Variants in NACC2 observed in about 807,000 individuals in gnomAD.
The protein encoded by NACC2 is NACC family member 2, also known as nucleus accumbens-associated protein 2.
Under a neutral mutation model 25.1 loss-of-function variants are expected in NACC2, and 8 were observed. That is an observed-to-expected ratio of 0.32 (90% CI 0.19 to 0.57). The LOEUF is 0.57. NACC2 is among the 20% of genes least tolerant of loss of function. NACC2 has a pLI of 0.89. For missense variants in NACC2, 644 were observed against 650.2 expected, an observed-to-expected ratio of 0.99 and a Z score of 0.10; for synonymous variants, 435 against 294.7, an observed-to-expected ratio of 1.48 and a Z score of -4.88.
intron 1 of NACC2, among the ~76,000 whole-genome samples, chr9:136,052,157 G>A (rs925155328): frequency 1.3e-5 from 2 of 152,224 alleles, no homozygotes; most frequent in African/African-American, 4.8e-5. Context: ...AGGAATGCGC[G>A]GCCCCGGGTG....
In NACC2 at chr9:136,049,817, G is replaced by A. The variant is rs1476363205; in HGVS notation, c.705C>T (p.Gly235=). The A allele has an allele frequency of 6.7e-6, 5 of 740,816 alleles. No homozygotes were observed. The highest frequency in any genetic ancestry group is 5.6e-5 in the South Asian group (4 of 71,124). 45.9% of individuals were successfully genotyped at this position (740,816 alleles called of 1,614,324 possible). Residue 235 remains glycine (G), a synonymous_variant, in exon 2 of 6, where the codon GGC becomes GGT. Coordinates refer to ENST00000277554, the MANE Select transcript of NACC2 (RefSeq NM_144653.5). The part of the protein sequence containing the change: ...GVPSLATLIP[G]IQQMPYPQGE... Reference sequence around the variant, plus strand: ...CCTGGGGGTAGGGCATCTGCTGGATGCCGGGGATGAGGGTGGCCAGGCTGG... The same window carrying A: ...CCTGGGGGTAGGGCATCTGCTGGATACCGGGGATGAGGGTGGCCAGGCTGG...
chr9:136,027,679 A>T (rs371993268), intron 2 of NACC2, among the ~76,000 whole-genome samples: 1 of 152,246 alleles, frequency 6.6e-6, no homozygotes, highest in African/African-American at 2.4e-5. Flanking sequence ...CTGAATGATA[A>T]TGAAAATCTG....
chr9:136,084,015 C>A lies in NACC2; in HGVS notation c.-60+11174G>T, dbSNP rs534292469. 4.6e-5 allele frequency among the ~76,000 whole-genome samples: 7 copies of A among 152,264 alleles called. 1 individual carries two copies. The highest frequency in any genetic ancestry group is 1.3e-4 in the Admixed American group (2 of 15,298). ...GGGGAGACCCAAGACCTGGCCACAA[C>A]CCCATCTCCTAGTTCCTCTACAGCC... is the stretch of plus-strand genomic sequence containing the variant. On this transcript the variant is annotated intron_variant, in intron 1 of 5. Coordinates refer to ENST00000277554, the MANE Select transcript of NACC2 (RefSeq NM_144653.5). The surrounding 1 kb of genome is among the most constrained non-coding windows in gnomAD (Gnocchi z 5.1).
intron 1 of NACC2, among the ~76,000 whole-genome samples, chr9:136,061,786 AGGCCCAGGTACAAT>A (rs1229974839): frequency 1.3e-5 from 2 of 152,072 alleles, no homozygotes; most frequent in South Asian, 2.1e-4. Flanking sequence ...CAGAGTACAG[AGGCCCAGGTACAAT>A]GGCCCAGGTA....
chr9:136,012,341 C>G (rs534696613), intron 5 of NACC2, among the ~76,000 whole-genome samples: 1 of 152,250 alleles, frequency 6.6e-6, no homozygotes, highest in African/African-American at 2.4e-5. Flanking sequence ...CAACGGCTAA[C>G]GGGAACTGGT....
chr9:136,088,628 C>T (rs1038764017), intron 1 of NACC2, among the ~76,000 whole-genome samples: 1 of 152,238 alleles, frequency 6.6e-6, no homozygotes, highest in Non-Finnish European at 1.5e-5. Flanking sequence ...CCATCCCAAC[C>T]ACGATGGCCT....
intron 1 of NACC2, among the ~76,000 whole-genome samples, chr9:136,064,539 G>GA (rs1248909694): frequency 6.6e-6 from 1 of 152,138 alleles, no homozygotes; most frequent in Non-Finnish European, 1.5e-5. Context: ...AAATTTTGTT[G>GA]AAAGAAATGA....
intron 1 of NACC2, among the ~76,000 whole-genome samples, chr9:136,080,227 A>G (rs1210382113): frequency 6.6e-6 from 1 of 152,146 alleles, no homozygotes; most frequent in Non-Finnish European, 1.5e-5. Flanking sequence ...CTGCACCCCC[A>G]GCCTGTACAG....
intron 1 of NACC2, among the ~76,000 whole-genome samples, chr9:136,070,548 C>T (rs1045638087): frequency 6.6e-6 from 1 of 151,312 alleles, no homozygotes; most frequent in African/African-American, 2.4e-5. Flanking sequence ...ATACAACATA[C>T]CAAAGTTTGT....
chr9:136,048,032 T>C (rs1840755477), intron 2 of NACC2, among the ~76,000 whole-genome samples: 1 of 152,196 alleles, frequency 6.6e-6, no homozygotes, highest in African/African-American at 2.4e-5. Flanking sequence ...ATCTCCATGG[T>C]GCAGCTCCCT....
Position 136,050,084 on chromosome 9 carries a change from G to T in NACC2, c.438C>A (p.Cys146Ter). 1.3e-6 allele frequency: 1 copy of T among 746,880 alleles called. No homozygotes were observed. Among genetic ancestry groups the T allele is most frequent in the Non-Finnish European group, 2.5e-6 (1 of 406,776 alleles). 46.3% of individuals were successfully genotyped at this position (746,880 alleles called of 1,614,324 possible). A position where few individuals can be genotyped will look rare whatever the true frequency, so the allele number is the denominator to read the frequency against. ...CGGCGGCGGCCGGCTGCAGCTGGTT[G>T]CAGGGGCTCTGGGGCTCGGAGCCGG... ...EDAGSEPQSP[C>*]NQLQPAAAAA... is the part of the protein sequence containing the mutation. Residue 146 changes from cysteine to a stop codon, truncating the protein, a stop_gained, in exon 2 of 6, where the codon TGC (cysteine) becomes TGA (stop). Transcript: ENST00000277554. LOFTEE classifies it high-confidence loss of function.
At position 136,059,047 on chromosome 9, in the gene NACC2, C is replaced by T. The variant is rs182258617; in HGVS notation, c.-59-8467G>A. 3.9e-5 allele frequency among the ~76,000 whole-genome samples: 6 copies of T among 152,326 alleles called. No individual in the cohort carries two copies. In the East Asian group the frequency reaches 1.2e-3, roughly 29 times the overall value. On this transcript the variant is annotated intron_variant, in intron 1 of 5. Transcript: ENST00000277554. Reference sequence around the variant, plus strand: ...GGGCTGTAGAGGGAAGGTGCTGGGTCAGGGGCAGGGGAGAAGCGTGATCTG... The same window carrying T: ...GGGCTGTAGAGGGAAGGTGCTGGGTTAGGGGCAGGGGAGAAGCGTGATCTG...
At chr9:136,072,514 C>T (rs1830204479) in intron 1 of NACC2, among the ~76,000 whole-genome samples, 1 of 151,870 alleles carries the variant, frequency 6.6e-6, no homozygotes, top group African/African-American at 2.4e-5. Context: ...CACTGCAATC[C>T]AGCCTGCACA....
intron 2 of NACC2, among the ~76,000 whole-genome samples, chr9:136,017,438 C>T (rs1179314278): frequency 4.6e-5 from 7 of 152,038 alleles, no homozygotes; most frequent in Admixed American, 2.6e-4. Flanking sequence ...GCACCAGGTG[C>T]GCGGGGCCAA....
Position 136,050,414 on chromosome 9 carries a change from G to C in NACC2, c.108C>G (p.Val36=). The part of the protein sequence containing the change: ...LGLYCDVSIV[V]KGQAFKAHRA... Reference sequence around the variant, plus strand: ...GGTGGGCCTTGAAGGCCTGGCCCTTGACCACGATGGACACATCGCAGTAGA... The same window carrying C: ...GGTGGGCCTTGAAGGCCTGGCCCTTCACCACGATGGACACATCGCAGTAGA... Residue 36 remains valine (V), a synonymous_variant, in exon 2 of 6, where the codon GTC becomes GTG. Transcript: ENST00000277554. The C allele has an allele frequency of 1.3e-6, 1 of 764,706 alleles. No individual in the cohort carries two copies. Among genetic ancestry groups the C allele is most frequent in the Admixed American group, 1.7e-5 (1 of 58,536 alleles). 47.4% of individuals were successfully genotyped at this position (764,706 alleles called of 1,614,324 possible).
At chr9:136,017,622 G>A (rs1840222799) in intron 2 of NACC2, among the ~76,000 whole-genome samples, 1 of 152,132 alleles carries the variant, frequency 6.6e-6, no homozygotes, top group African/African-American at 2.4e-5. Flanking sequence ...CCCCTGAGCG[G>A]GCCCCCGGTG....
intron 1 of NACC2, among the ~76,000 whole-genome samples, chr9:136,063,399 A>AAT (rs1841038674): frequency 6.6e-6 from 1 of 152,210 alleles, no homozygotes; most frequent in Non-Finnish European, 1.5e-5. Context: ...GAAAGAGGTC[A>AAT]CGTACATTGC....
chr9:136,038,290 C>T (rs999312081), intron 2 of NACC2, among the ~76,000 whole-genome samples: 4 of 152,174 alleles, frequency 2.6e-5, no homozygotes, highest in African/African-American at 4.8e-5. Context: ...AATCCCAGCA[C>T]CTTGGGAGGC....
chr9:136,088,295 C>T (rs745771934), intron 1 of NACC2, among the ~76,000 whole-genome samples: 21 of 152,232 alleles, frequency 1.4e-4, no homozygotes, highest in Admixed American at 2.0e-4. Flanking sequence ...GAAGGGATGA[C>T]GGGGGCAGGG....
Sources: allele counts gnomAD v4.1 joint callset (sites outside exome capture counted in the v4.1 genomes callset), GRCh38; gene constraint gnomAD v4.1.1; non-coding constraint Gnocchi (gnomAD v3.1); transcripts MANE v1.5; gene names NCBI Gene and HGNC (gene_info 2026-07-23, HGNC 2026-07-21).